SHISA9: variants seen among roughly 807,000 people sequenced by gnomAD.
The protein encoded by SHISA9 is shisa family member 9.
In SHISA9, 13 loss-of-function variants were observed where a neutral mutation model predicts 38.0. That is an observed-to-expected ratio of 0.34 (90% CI 0.22 to 0.54). SHISA9 has a LOEUF of 0.54. Ranked by LOEUF, SHISA9 falls within the 20% of genes least tolerant of loss-of-function variation. The probability of loss-of-function intolerance (pLI) is 0.91; values close to 1 mark genes in which losing one functional copy is unlikely to be tolerated. For missense variants in SHISA9, 538 were observed against 575.8 expected, an observed-to-expected ratio of 0.93 and a Z score of 0.67; for synonymous variants, 275 against 242.0, an observed-to-expected ratio of 1.14 and a Z score of -1.27.
the SHISA9 span, among the ~76,000 whole-genome samples, chr16:13,272,288 T>C: frequency 6.6e-6 from 1 of 152,208 alleles, no homozygotes; most frequent in African/African-American, 2.4e-5. Context: ...AAGCAGTTGC[T>C]GTTCTTTTTT....
At chr16:13,207,392 T>G (rs1403111143) in intron 3 of SHISA9, among the ~76,000 whole-genome samples, 1 of 152,208 alleles carries the variant, frequency 6.6e-6, no homozygotes, top group Non-Finnish European at 1.5e-5. Flanking sequence ...TCACACTCTT[T>G]GAGTAACCCT....
chr16:13,257,079 C>T, the SHISA9 span, among the ~76,000 whole-genome samples: 86,232 of 151,648 alleles, frequency 0.57, 25,072 homozygotes, highest in African/African-American at 0.68. Context: ...AGACTCTCTG[C>T]CCATTTACGA....
chr16:13,090,065 T>TA, intron 2 of SHISA9, among the ~76,000 whole-genome samples: 1 of 152,352 alleles, frequency 6.6e-6, no homozygotes, highest in Admixed American at 6.5e-5. Context: ...ATTTACCCAG[T>TA]AGTCATTCAG....
chr16:12,920,101 C>A (rs1238875980), intron 2 of SHISA9, among the ~76,000 whole-genome samples: 1 of 151,338 alleles, frequency 6.6e-6, no homozygotes, highest in East Asian at 2.0e-4. Context: ...GTGGCTACAG[C>A]CTGGATCAAC....
the SHISA9 span, among the ~76,000 whole-genome samples, chr16:13,389,913 C>T: frequency 2.0e-5 from 3 of 152,210 alleles, no homozygotes; most frequent in Admixed American, 2.0e-4. Flanking sequence ...CTTGCAAGAT[C>T]TAATCCTGGA....
chr16:12,974,172 C>T (rs981166094), intron 2 of SHISA9, among the ~76,000 whole-genome samples: 1 of 152,094 alleles, frequency 6.6e-6, no homozygotes, highest in Non-Finnish European at 1.5e-5. Flanking sequence ...ATCTAGCGTC[C>T]GTCCTTGTAT....
chr16:13,033,802 G>C (rs375315976), intron 2 of SHISA9, among the ~76,000 whole-genome samples: 27 of 152,284 alleles, frequency 1.8e-4, no homozygotes, highest in African/African-American at 6.5e-4. Flanking sequence ...CAGGATCCAA[G>C]TCCAAGATGG....
chr16:13,173,491 G>A (rs2050705794), intron 2 of SHISA9, among the ~76,000 whole-genome samples: 1 of 151,846 alleles, frequency 6.6e-6, no homozygotes, highest in African/African-American at 2.4e-5. Flanking sequence ...TAAAGAACAA[G>A]AGGACACTGT....
the SHISA9 span, among the ~76,000 whole-genome samples, chr16:13,391,005 AG>A: frequency 6.6e-6 from 1 of 152,320 alleles, no homozygotes; most frequent in East Asian, 1.9e-4. Context: ...TGAGGAGAAA[AG>A]AGTAAAGAAA....
At chr16:13,550,291 G>T in the SHISA9 span, among the ~76,000 whole-genome samples, 1 of 152,112 alleles carries the variant, frequency 6.6e-6, no homozygotes, top group Non-Finnish European at 1.5e-5. Flanking sequence ...CCAGCCCCTA[G>T]AAACTCTCCC....
the SHISA9 span, among the ~76,000 whole-genome samples, chr16:13,351,707 C>G: frequency 1.3e-5 from 2 of 152,322 alleles, no homozygotes; most frequent in South Asian, 2.1e-4. Context: ...TGATCTGTCT[C>G]TATATCTGCA....
At chr16:13,547,674 C>T in the SHISA9 span, among the ~76,000 whole-genome samples, 6 of 152,210 alleles carry the variant, frequency 3.9e-5, no homozygotes, top group East Asian at 1.2e-3. Flanking sequence ...TCTACTGATT[C>T]AAATTCTAAT....
At chr16:12,943,495 T>C (rs887533943) in intron 2 of SHISA9, among the ~76,000 whole-genome samples, 13 of 152,114 alleles carry the variant, frequency 8.5e-5, no homozygotes, top group African/African-American at 3.1e-4. Context: ...GTATGATTGT[T>C]TATTTATATT....
At chr16:13,464,835 C>T in the SHISA9 span, among the ~76,000 whole-genome samples, 8 of 151,894 alleles carry the variant, frequency 5.3e-5, no homozygotes, top group Admixed American at 2.0e-4. Context: ...CCCCACCCCC[C>T]ACCTTTTACA....
intron 2 of SHISA9, among the ~76,000 whole-genome samples, chr16:13,017,104 C>T (rs529248360): frequency 6.6e-6 from 1 of 151,844 alleles, no homozygotes; most frequent in African/African-American, 2.4e-5. Context: ...ACTGCAACCT[C>T]CGTCTCCTAG....
chr16:13,030,645 A>G (rs369892186), intron 2 of SHISA9, among the ~76,000 whole-genome samples: 3 of 152,228 alleles, frequency 2.0e-5, no homozygotes, highest in Admixed American at 1.3e-4. Flanking sequence ...GCTCTTGACT[A>G]GAATTACAGC....
At chr16:13,283,685 C>T in the SHISA9 span, among the ~76,000 whole-genome samples, 2,015 of 151,934 alleles carry the variant, frequency 0.013, 23 homozygotes, top group Middle Eastern at 0.082. Context: ...AACTGCAATT[C>T]AAGTTGAGAT....
chr16:13,092,089 G>A (rs1266201167), intron 2 of SHISA9, among the ~76,000 whole-genome samples: 1 of 152,168 alleles, frequency 6.6e-6, no homozygotes, highest in Non-Finnish European at 1.5e-5. Context: ...GAGTTTGCTG[G>A]AATTCCACTC....
chr16:13,180,508 A>C (rs1446308129), intron 2 of SHISA9, among the ~76,000 whole-genome samples: 2 of 152,162 alleles, frequency 1.3e-5, no homozygotes, highest in Non-Finnish European at 2.9e-5. Flanking sequence ...GACCAGCCTG[A>C]GCCACACAGT....
Sources: allele counts gnomAD v4.1 joint callset (sites outside exome capture counted in the v4.1 genomes callset), GRCh38; gene constraint gnomAD v4.1.1; transcripts MANE v1.5; gene names NCBI Gene and HGNC (gene_info 2026-07-23, HGNC 2026-07-21).